The following ADGRB3 variants were observed in gnomAD, a reference collection of about 807,000 sequenced individuals.
ADGRB3 encodes adhesion G protein-coupled receptor B3.
A neutral mutation model predicts 193.4 loss-of-function variants in ADGRB3; 37 were observed. The ratio of observed to expected loss-of-function variants is 0.19; its 90% CI spans 0.15 to 0.25. The LOEUF (loss-of-function observed/expected upper bound fraction) is 0.25. Ranked by LOEUF, ADGRB3 falls within the 10% of genes least tolerant of loss-of-function variation. ADGRB3 has a pLI of 1.00. For synonymous variants in ADGRB3, 690 were observed against 644.2 expected (o/e 1.07, Z -1.08); for missense variants, 1,637 against 1,852.9 (o/e 0.88, Z 2.14).
chr6:69,164,036 G>A (rs1465084089), intron 17 of ADGRB3, among the ~76,000 whole-genome samples: 1 of 152,018 alleles, frequency 6.6e-6, no homozygotes, highest in Non-Finnish European at 1.5e-5. Context: ...CTTCCCTCTA[G>A]TGAGATCTTT....
intron 17 of ADGRB3, among the ~76,000 whole-genome samples, chr6:69,108,545 T>TTG (rs147934006): frequency 1.3e-5 from 2 of 151,986 alleles, no homozygotes; most frequent in Non-Finnish European, 2.9e-5. Context: ...ACACCTTATT[T>TTG]TGTGTGTGTG....
intron 17 of ADGRB3, among the ~76,000 whole-genome samples, chr6:69,099,809 A>G (rs1374990066): frequency 6.6e-6 from 1 of 152,212 alleles, no homozygotes; most frequent in Non-Finnish European, 1.5e-5. Flanking sequence ...ATTACATTTA[A>G]TCATTCCTCA....
intron 20 of ADGRB3, among the ~76,000 whole-genome samples, chr6:69,303,851 T>C (rs190314843): frequency 1.3e-5 from 2 of 152,070 alleles, no homozygotes; most frequent in African/African-American, 4.8e-5. Flanking sequence ...TTAAATAGGA[T>C]TTCATGTGTA....
At chr6:68,797,309 T>C (rs1053141692) in intron 3 of ADGRB3, among the ~76,000 whole-genome samples, 4 of 152,050 alleles carry the variant, frequency 2.6e-5, no homozygotes, top group Non-Finnish European at 5.9e-5. Flanking sequence ...CAGAAATATT[T>C]AATTCTGTCT....
intron 3 of ADGRB3, among the ~76,000 whole-genome samples, chr6:68,866,996 AGACT>A (rs1562063113): frequency 6.6e-6 from 1 of 152,106 alleles, no homozygotes; most frequent in African/African-American, 2.4e-5. Flanking sequence ...AAAAATTTGC[AGACT>A]GACCATGTGG....
At chr6:68,882,819 G>A (rs951272921) in intron 3 of ADGRB3, among the ~76,000 whole-genome samples, 7 of 152,084 alleles carry the variant, frequency 4.6e-5, no homozygotes, top group African/African-American at 1.7e-4. Context: ...GTCCCTTAAT[G>A]GTTATTTCCC....
rs551793315 is a variant in ADGRB3 at position 69,201,842 on chromosome 6, G to A, written c.2481-31448G>A. ...GGATATTCCTACCCCTTTCTAATCC[G>A]ACCTATCATTTCATCAAACTTAACA... On this transcript the variant is annotated intron_variant, in intron 17 of 31. Transcript: ENST00000370598. 8.6e-5 allele frequency among the ~76,000 whole-genome samples: 13 copies of A among 151,990 alleles called. No homozygotes were observed. In the South Asian group the frequency reaches 1.2e-3, roughly 15 times the overall value.
At chr6:68,799,538 A>C (rs966953846) in intron 3 of ADGRB3, among the ~76,000 whole-genome samples, 1 of 152,224 alleles carries the variant, frequency 6.6e-6, no homozygotes, top group Non-Finnish European at 1.5e-5. Flanking sequence ...ACTATATTCC[A>C]ATTTTTTTAA....
intron 3 of ADGRB3, among the ~76,000 whole-genome samples, chr6:68,716,758 C>T (rs1765496047): frequency 6.6e-6 from 1 of 151,576 alleles, no homozygotes; most frequent in Non-Finnish European, 1.5e-5. Context: ...TTCATCATTG[C>T]TCTTAATTCT....
chr6:69,238,881 G>C (rs2127260290), intron 19 of ADGRB3, among the ~76,000 whole-genome samples: 1 of 151,912 alleles, frequency 6.6e-6, no homozygotes, highest in Non-Finnish European at 1.5e-5. Context: ...ATGCCATACT[G>C]TCCCACCAAT....
chr6:69,077,914 G>A (rs1033311148), intron 17 of ADGRB3, among the ~76,000 whole-genome samples: 4 of 151,870 alleles, frequency 2.6e-5, no homozygotes, highest in African/African-American at 4.8e-5. Flanking sequence ...CACAGTTTTC[G>A]CTAGATTGTT....
chr6:68,750,448 C>A (rs1766174243), intron 3 of ADGRB3, among the ~76,000 whole-genome samples: 1 of 152,200 alleles, frequency 6.6e-6, no homozygotes, highest in Admixed American at 6.5e-5. Flanking sequence ...AAAAAATGAA[C>A]CTATTAATTT....
chr6:69,012,882 A>T (rs10945150), intron 11 of ADGRB3, among the ~76,000 whole-genome samples: 1 of 151,996 alleles, frequency 6.6e-6, no homozygotes, highest in Non-Finnish European at 1.5e-5. Context: ...GATGAGACTA[A>T]CAAGTTATGA....
intron 20 of ADGRB3, among the ~76,000 whole-genome samples, chr6:69,314,179 T>C (rs1413579317): frequency 6.6e-6 from 1 of 151,718 alleles, no homozygotes; most frequent in African/African-American, 2.4e-5. Flanking sequence ...CTGTTATGTG[T>C]GACAAACTTT....
At chr6:68,705,749 T>C (rs1765315870) in intron 3 of ADGRB3, among the ~76,000 whole-genome samples, 1 of 152,238 alleles carries the variant, frequency 6.6e-6, no homozygotes, top group Admixed American at 6.5e-5. Context: ...ACAGATTTTA[T>C]TTAGGAGCTA....
At chr6:69,233,917 G>A (rs1322069526) in intron 18 of ADGRB3, among the ~76,000 whole-genome samples, 1 of 152,126 alleles carries the variant, frequency 6.6e-6, no homozygotes, top group African/African-American at 2.4e-5. Context: ...TTTTGTGAAA[G>A]CATGGCTGTC....
At chr6:69,047,506 TTATA>T (rs1771272300) in intron 13 of ADGRB3, among the ~76,000 whole-genome samples, 1 of 151,492 alleles carries the variant, frequency 6.6e-6, no homozygotes, top group Non-Finnish European at 1.5e-5. Flanking sequence ...AATTCTCTGT[TTATA>T]TAATATATAT....
chr6:69,283,028 G>A (rs1767468355), intron 20 of ADGRB3, among the ~76,000 whole-genome samples: 1 of 151,956 alleles, frequency 6.6e-6, no homozygotes. Context: ...TAATGAGAAG[G>A]CAAAGGTGCA....
At position 68,638,982 on chromosome 6, in the gene ADGRB3, A is replaced by C; in HGVS notation, c.307A>C (p.Arg103=). The change falls in exon 3 of 32, where the codon AGA becomes CGA. Residue 103 remains arginine, a synonymous_variant. Transcript: ENST00000370598. ...FSHEKIKDLL[R]KNHSIMQLCN... ...CCATGAAAAAATAAAGGATCTTTTAAGAAAGAATCATTCTATAATGCAACT... is the reference window on the plus strand; with the variant it reads ...CCATGAAAAAATAAAGGATCTTTTACGAAAGAATCATTCTATAATGCAACT... The C allele has an allele frequency of 6.2e-7, 1 of 1,613,918 alleles. No individual in the cohort carries two copies.
Sources: allele counts gnomAD v4.1 joint callset (sites outside exome capture counted in the v4.1 genomes callset), GRCh38; gene constraint gnomAD v4.1.1; transcripts MANE v1.5; gene names NCBI Gene and HGNC (gene_info 2026-07-23, HGNC 2026-07-21).